Variants in IL16 observed in about 807,000 individuals in gnomAD.
The protein encoded by IL16 is pro-interleukin-16.
Under a neutral mutation model 110.1 loss-of-function variants are expected in IL16, and 67 were observed. The ratio of observed to expected loss-of-function variants is 0.61; its 90% CI spans 0.50 to 0.75. The LOEUF (loss-of-function observed/expected upper bound fraction) is 0.75, where lower values mean the gene tolerates loss of function less well. Ranked by LOEUF, IL16 falls within the 30% of genes least tolerant of loss-of-function variation. IL16 has a pLI of 0.00. For missense variants in IL16, 1,545 were observed against 1,655.0 expected (o/e 0.93, Z 1.15); for synonymous variants, 689 against 662.9 (o/e 1.04, Z -0.61).
intron 1 of IL16, among the ~76,000 whole-genome samples, chr15:81,190,301 A>C (rs975940711): frequency 1.3e-4 from 20 of 152,192 alleles, no homozygotes; most frequent in African/African-American, 4.6e-4. Context: ...CCACCCAGGC[A>C]CTGACCACTC....
intron 1 of IL16, among the ~76,000 whole-genome samples, chr15:81,185,985 A>T (rs999233977): frequency 6.6e-6 from 1 of 152,228 alleles, no homozygotes; most frequent in African/African-American, 2.4e-5. Flanking sequence ...TAAACAAATT[A>T]TGGTGACTTG....
At chr15:81,251,068 T>G (rs1054493791) in intron 2 of IL16, among the ~76,000 whole-genome samples, 1 of 152,190 alleles carries the variant, frequency 6.6e-6, no homozygotes, top group African/African-American at 2.4e-5. Context: ...TCAGAAAAAC[T>G]ATGGTACAGC....
At position 81,308,855 on chromosome 15, in the gene IL16, C is replaced by A; in HGVS notation, c.*57C>A. On this transcript the variant is annotated 3_prime_UTR_variant, in exon 19 of 19. Transcript: ENST00000683961. ...CACAGCTAACACACAGCTCCCATAA[C>A]CGCTGATTCTCAGGGTCTCTGCTGC... The A allele has an allele frequency of 1.4e-6, 2 of 1,445,572 alleles. No individual in the cohort carries two copies. Among genetic ancestry groups the A allele is most frequent in the African/African-American group, 1.4e-5 (1 of 70,256 alleles). The allele number at this position is 1,445,572 out of a possible 1,614,324, so 89.5% of individuals were successfully genotyped here.
At chr15:81,296,674 G>A (rs1460672450) in intron 12 of IL16, among the ~76,000 whole-genome samples, 3 of 152,184 alleles carry the variant, frequency 2.0e-5, no homozygotes, top group Non-Finnish European at 4.4e-5. Context: ...GGGTCTTCAA[G>A]TATGTCAACA....
rs60981835 is a variant in IL16 at position 81,303,185 on chromosome 15, G to GT, written c.3319-352dup. ...ACTGACCCCTGTTTTGTTTTTTGTTGTTTTTTTTTTTTGTTTTGTTTTACC... is the reference window on the plus strand; with the variant it reads ...ACTGACCCCTGTTTTGTTTTTTGTTGTTTTTTTTTTTTTGTTTTGTTTTACC... On this transcript the variant is annotated intron_variant, in intron 15 of 18. Coordinates refer to ENST00000683961, the MANE Select transcript of IL16 (RefSeq NM_172217.5). This position sits in a 1 kb window ranked among gnomAD's most constrained non-coding sequence, Gnocchi z 4.1. The GT allele has an allele frequency of 0.03, 4,900 of 165,958 alleles. 200 individuals are homozygous for GT. The highest frequency in any genetic ancestry group is 0.096 in the African/African-American group (3,964 of 41,132). 10.3% of individuals were successfully genotyped at this position (165,958 alleles called of 1,614,324 possible).
chr15:81,258,814 GCACA>G (rs908746767), intron 2 of IL16, among the ~76,000 whole-genome samples: 1 of 151,380 alleles, frequency 6.6e-6, no homozygotes. Flanking sequence ...CACAACATGT[GCACA>G]CACACACAAG....
chr15:81,286,855 G>C (rs1482674468), intron 10 of IL16, among the ~76,000 whole-genome samples: 8 of 152,200 alleles, frequency 5.3e-5, no homozygotes, highest in Admixed American at 5.2e-4. Flanking sequence ...GTTCCATGTG[G>C]CTGGGGAGGC....
chr15:81,207,263 A>G (rs957660251), intron 1 of IL16, among the ~76,000 whole-genome samples: 3 of 149,190 alleles, frequency 2.0e-5, no homozygotes, highest in African/African-American at 5.0e-5. Context: ...AAAAAAAAAC[A>G]AAAAAAAGAA....
chr15:81,184,610 T>C (rs915086872), intron 1 of IL16, among the ~76,000 whole-genome samples: 3 of 152,186 alleles, frequency 2.0e-5, no homozygotes, highest in Non-Finnish European at 4.4e-5. Flanking sequence ...GCTGTGGGAA[T>C]GAACACCTCG....
intron 1 of IL16, among the ~76,000 whole-genome samples, chr15:81,212,212 C>T (rs895181199): frequency 3.3e-5 from 5 of 151,686 alleles, no homozygotes; most frequent in Non-Finnish European, 5.9e-5. Flanking sequence ...TCAATATCTT[C>T]CTGATTCAAT....
rs187971712 is a variant in IL16, at chr15:81,261,919, A to T, written c.421+2039A>T. ...CCATGTCTCTACAAAAAATTTTTTT[A>T]AAAAAAGAAAACCCACTAGGCATGA... On this transcript the variant is annotated intron_variant, in intron 3 of 18. Coordinates refer to ENST00000683961, the MANE Select transcript of IL16 (RefSeq NM_172217.5). Among the ~76,000 whole-genome samples, 216 of 152,222 alleles carry T rather than the reference A, an allele frequency of 1.4e-3. 1 individual carries two copies. Among genetic ancestry groups the T allele is most frequent in the Non-Finnish European group, 2.4e-3 (160 of 68,008 alleles).
chr15:81,290,076 A>G (rs1899637932), intron 10 of IL16: 1 of 307,854 alleles, frequency 3.2e-6, no homozygotes, highest in Non-Finnish European at 6.3e-6. Context: ...TATAATAGTG[A>G]TTGTGATTAT....
chr15:81,229,046 A>G (rs1385879092), intron 2 of IL16, among the ~76,000 whole-genome samples: 1 of 152,196 alleles, frequency 6.6e-6, no homozygotes, highest in African/African-American at 2.4e-5. Context: ...GATGATTATT[A>G]TTTCTATTTT....
chr15:81,233,238 C>T (rs980673583), intron 2 of IL16, among the ~76,000 whole-genome samples: 8 of 152,068 alleles, frequency 5.3e-5, no homozygotes, highest in African/African-American at 9.7e-5. Context: ...ATCCTGTGTA[C>T]CTTTTCCCAG....
chr15:81,281,896 G>A (rs1384775002), intron 8 of IL16, among the ~76,000 whole-genome samples: 1 of 152,154 alleles, frequency 6.6e-6, no homozygotes, highest in Non-Finnish European at 1.5e-5. Context: ...CCTCTTAGCT[G>A]GTCTTCTTGC....
At chr15:81,208,221 A>T (rs780418185) in intron 1 of IL16, among the ~76,000 whole-genome samples, 2 of 151,888 alleles carry the variant, frequency 1.3e-5, no homozygotes, top group Admixed American at 1.3e-4. Flanking sequence ...TAATGGGGTT[A>T]TTTGGTTTTT....
intron 16 of IL16, among the ~76,000 whole-genome samples, chr15:81,304,843 A>G (rs559466458): frequency 1.4e-4 from 22 of 152,366 alleles, no homozygotes; most frequent in South Asian, 4.1e-4. Flanking sequence ...TTAGAGAAGC[A>G]AAGAGCTTTG....
chr15:81,246,088 A>G (rs1897536753), intron 2 of IL16, among the ~76,000 whole-genome samples: 1 of 152,086 alleles, frequency 6.6e-6, no homozygotes, highest in Admixed American at 6.5e-5. Context: ...CATATCATCT[A>G]TGAATAATAA....
At position 81,225,302 on chromosome 15, in the gene IL16, C is replaced by A; in HGVS notation, c.-98C>A. The A allele has an allele frequency of 6.5e-7, 1 of 1,534,248 alleles. No individual in the cohort carries two copies. The highest frequency in any genetic ancestry group is 1.4e-5 in the African/African-American group (1 of 73,130). ...TCCCATTTCCTCTTTCCTCTAGGGA[C>A]TCATGAAGTGGCAGCTAAGCCCTGT... On this transcript the variant is annotated 5_prime_UTR_variant, in exon 2 of 19. Transcript: ENST00000683961.
Sources: gnomAD v4.1 joint callset for allele counts (sites outside exome capture counted in the v4.1 genomes callset) on GRCh38, gnomAD v4.1.1 for gene constraint, Gnocchi (gnomAD v3.1) non-coding constraint, MANE v1.5 for transcripts, NCBI Gene and HGNC (gene_info 2026-07-23, HGNC 2026-07-21) for gene names.